Variants in RBFOX1 observed in about 807,000 individuals in gnomAD.
RBFOX1 encodes RNA binding fox-1 homolog 1.
RBFOX1 carries 8 observed loss-of-function variants against 57.7 expected under a neutral mutation model. The observed-to-expected ratio is 0.14, with a 90% CI of 0.08 to 0.25. The LOEUF is 0.25. Among genes scored for constraint, RBFOX1 ranks in the 10% least tolerant of loss-of-function variants. The pLI, the probability that RBFOX1 is intolerant of heterozygous loss-of-function variation, is 1.00. For missense variants in RBFOX1, 611 were observed against 548.5 expected, an observed-to-expected ratio of 1.11 and a Z score of -1.14; for synonymous variants, 326 against 222.4, an observed-to-expected ratio of 1.47 and a Z score of -4.15.
intron 4 of RBFOX1, among the ~76,000 whole-genome samples, chr16:7,400,245 C>T (rs1384559404): frequency 6.6e-6 from 1 of 152,122 alleles, no homozygotes; most frequent in African/African-American, 2.4e-5. Context: ...CCCAAAGCTC[C>T]CATCTCTACA....
At chr16:5,342,131 A>C (rs1265491270) in intron 1 of RBFOX1, among the ~76,000 whole-genome samples, 2 of 152,020 alleles carry the variant, frequency 1.3e-5, no homozygotes, top group African/African-American at 4.8e-5. Context: ...GAGAGGCATA[A>C]TTTTCCACCT....
chr16:5,571,836 C>A (rs897594903), intron 2 of RBFOX1, among the ~76,000 whole-genome samples: 1 of 152,226 alleles, frequency 6.6e-6, no homozygotes, highest in African/African-American at 2.4e-5. Context: ...AGTCTTTTGT[C>A]TTTGTCTTTA....
chr16:6,407,115 T>C (rs1596722026), intron 2 of RBFOX1, among the ~76,000 whole-genome samples: 1 of 152,322 alleles, frequency 6.6e-6, no homozygotes, highest in African/African-American at 2.4e-5. Flanking sequence ...CTATGTAACA[T>C]AGTGGCCAGT....
At chr16:6,332,185 A>G (rs143099222) in intron 2 of RBFOX1, among the ~76,000 whole-genome samples, 1 of 152,312 alleles carries the variant, frequency 6.6e-6, no homozygotes, top group African/African-American at 2.4e-5. Flanking sequence ...GAGGAAGAAT[A>G]ATTGAATGAA....
chr16:5,966,503 G>A (rs535957172), intron 4 of RBFOX1, among the ~76,000 whole-genome samples: 1 of 152,184 alleles, frequency 6.6e-6, no homozygotes, highest in East Asian at 1.9e-4. Flanking sequence ...AGTCCCCCAG[G>A]CTGGAGCGCA....
intron 2 of RBFOX1, among the ~76,000 whole-genome samples, chr16:6,386,342 A>G (rs12051259): frequency 0.31 from 46,233 of 151,224 alleles, 8,018 homozygotes; most frequent in South Asian, 0.61. Context: ...TCATGTTTAC[A>G]TTCTTGTGTG....
At chr16:7,456,536 C>T (rs747142870) in intron 4 of RBFOX1, among the ~76,000 whole-genome samples, 4 of 152,182 alleles carry the variant, frequency 2.6e-5, no homozygotes, top group Non-Finnish European at 5.9e-5. Context: ...TCCTGTTTGG[C>T]GTAACAAAAT....
intron 4 of RBFOX1, among the ~76,000 whole-genome samples, chr16:7,406,021 C>T (rs563649118): frequency 1.3e-3 from 195 of 152,258 alleles, no homozygotes; most frequent in African/African-American, 4.4e-3. Context: ...CAGAGCATAT[C>T]CCCCACAACA....
chr16:7,141,037 C>T (rs555635605), intron 4 of RBFOX1, among the ~76,000 whole-genome samples: 1 of 152,098 alleles, frequency 6.6e-6, no homozygotes, highest in African/African-American at 2.4e-5. Context: ...AGAGCTCTGC[C>T]AGGAAGCCAC....
In RBFOX1 at chr16:6,582,219, A is replaced by G. The variant is rs73539296; in HGVS notation, c.-63-72384A>G. On this transcript the variant is annotated intron_variant, in intron 2 of 15. Transcript: ENST00000550418. ...TCCAAAGAATTTTTATCACTTTCCT[A>G]TTGAAGTGAATTAACTCTTAATAGC... Among the ~76,000 whole-genome samples the G allele has an allele frequency of 8.4e-3, 1,283 of 152,314 alleles. 18 individuals carry two copies. The highest frequency in any genetic ancestry group is 0.029 in the African/African-American group (1,215 of 41,556).
chr16:7,540,111 G>T (rs1490433858), intron 5 of RBFOX1, among the ~76,000 whole-genome samples: 1 of 152,144 alleles, frequency 6.6e-6, no homozygotes, highest in Non-Finnish European at 1.5e-5. Flanking sequence ...CTCATTGGTG[G>T]TGGGATTCTT....
At chr16:7,686,478 G>A (rs1598081441) in intron 14 of RBFOX1, among the ~76,000 whole-genome samples, 2 of 151,980 alleles carry the variant, frequency 1.3e-5, no homozygotes, top group South Asian at 4.1e-4. Context: ...CCCAGCCTTC[G>A]AACTATCACC....
At chr16:5,515,355 C>G (rs74004360) in intron 2 of RBFOX1, among the ~76,000 whole-genome samples, 1,995 of 152,326 alleles carry the variant, frequency 0.013, 53 homozygotes, top group African/African-American at 0.046. Context: ...TCACTGTCAG[C>G]TGCAGGTGCC....
At chr16:6,642,666 C>G (rs1203369154) in intron 2 of RBFOX1, among the ~76,000 whole-genome samples, 1 of 98,980 alleles carries the variant, frequency 1.0e-5, no homozygotes, top group Non-Finnish European at 2.4e-5. Context: ...AGGTAGGGGA[C>G]TCAAAGAAAG....
chr16:5,856,575 G>GCA (rs1555547870), intron 3 of RBFOX1, among the ~76,000 whole-genome samples: 1 of 32,920 alleles, frequency 3.0e-5, no homozygotes, highest in Non-Finnish European at 5.7e-5. Context: ...GTGTGTGTGT[G>GCA]TATATATATA....
intron 2 of RBFOX1, among the ~76,000 whole-genome samples, chr16:5,486,695 A>C: frequency 6.6e-6 from 1 of 152,136 alleles, no homozygotes; most frequent in Admixed American, 6.5e-5. Context: ...ATGCAAGTCT[A>C]CTTGAATCAC....
At chr16:7,091,441 A>G (rs1469289562) in intron 4 of RBFOX1, among the ~76,000 whole-genome samples, 1 of 152,122 alleles carries the variant, frequency 6.6e-6, no homozygotes, top group Non-Finnish European at 1.5e-5. Context: ...AGTCAAGTCA[A>G]GAATTTCTGA....
intron 3 of RBFOX1, among the ~76,000 whole-genome samples, chr16:6,883,286 C>G (rs926079769): frequency 6.6e-6 from 1 of 152,114 alleles, no homozygotes; most frequent in African/African-American, 2.4e-5. Flanking sequence ...TTTTTGCTTG[C>G]TTAATGCTAC....
intron 3 of RBFOX1, among the ~76,000 whole-genome samples, chr16:5,706,661 G>A (rs1596861979): frequency 6.6e-6 from 1 of 152,104 alleles, no homozygotes; most frequent in Non-Finnish European, 1.5e-5. Flanking sequence ...AAATAACGTT[G>A]CAATTCCAAT....
Sources: allele counts gnomAD v4.1 joint callset (sites outside exome capture counted in the v4.1 genomes callset), GRCh38; gene constraint gnomAD v4.1.1; transcripts MANE v1.5; gene names NCBI Gene and HGNC (gene_info 2026-07-23, HGNC 2026-07-21).